Variants in TPST1 observed in about 807,000 individuals in gnomAD.
TPST1 encodes protein-tyrosine sulfotransferase 1.
Under a neutral mutation model 34.8 loss-of-function variants are expected in TPST1, and 20 were observed. The ratio of observed to expected loss-of-function variants is 0.57; its 90% confidence interval spans 0.40 to 0.84. TPST1 has a LOEUF of 0.84. TPST1 is among the 40% of genes least tolerant of loss of function. TPST1 has a pLI of 0.00. For missense variants in TPST1, 353 were observed against 455.5 expected, an observed-to-expected ratio of 0.78 and a Z score of 2.05; for synonymous variants, 152 against 159.4, an observed-to-expected ratio of 0.95 and a Z score of 0.35.
At chr7:66,256,273 C>G (rs1435230769) in intron 2 of TPST1, among the ~76,000 whole-genome samples, 4 of 152,284 alleles carry the variant, frequency 2.6e-5, no homozygotes, top group East Asian at 1.9e-4. Context: ...ATTTCTAGTT[C>G]ACTAAGAGTT....
At chr7:66,320,245 C>CTTTTTTTTTTTTTTTTT (rs569746911) in intron 3 of TPST1, among the ~76,000 whole-genome samples, 9 of 126,384 alleles carry the variant, frequency 7.1e-5, no homozygotes, top group East Asian at 2.3e-4. Context: ...TTTTCTTTTT[C>CTTTTTTTTTTTTTTTTT]TTTTTTTTTT....
intron 3 of TPST1, among the ~76,000 whole-genome samples, chr7:66,309,269 T>C (rs1791483167): frequency 6.6e-6 from 1 of 152,228 alleles, no homozygotes; most frequent in African/African-American, 2.4e-5. Context: ...AAGCCACTGA[T>C]GGATCCAGGT....
chr7:66,200,520 C>A (rs888668850), upstream of TPST1, among the ~76,000 whole-genome samples: 10 of 144,974 alleles, frequency 6.9e-5, no homozygotes, highest in Admixed American at 3.5e-4. Flanking sequence ...CCGGGATTCA[C>A]GCCATTCTCC....
At chr7:66,298,375 A>G (rs1011518849) in intron 3 of TPST1, among the ~76,000 whole-genome samples, 1 of 152,204 alleles carries the variant, frequency 6.6e-6, no homozygotes, top group African/African-American at 2.4e-5. Context: ...ACTCTTTTGT[A>G]ATTATGAAAT....
intron 3 of TPST1, among the ~76,000 whole-genome samples, chr7:66,315,216 T>C (rs1047001039): frequency 1.3e-5 from 2 of 152,188 alleles, no homozygotes; most frequent in African/African-American, 2.4e-5. Flanking sequence ...CAAGGAATGG[T>C]GAAGCACCCA....
intron 3 of TPST1, among the ~76,000 whole-genome samples, chr7:66,296,438 G>C (rs886293271): frequency 6.6e-6 from 1 of 152,004 alleles, no homozygotes; most frequent in Non-Finnish European, 1.5e-5. Flanking sequence ...TATCTTCAAA[G>C]CTTTTTTGCC....
At chr7:66,331,069 T>C (rs1275621808) in intron 3 of TPST1, among the ~76,000 whole-genome samples, 1 of 152,136 alleles carries the variant, frequency 6.6e-6, no homozygotes, top group African/African-American at 2.4e-5. Flanking sequence ...CTTCAAGCTC[T>C]CTCATGTGAC....
rs118171366 is a variant in TPST1, at chr7:66,207,221, C to T, written c.-102+1699C>T. Reference sequence around the variant, plus strand: ...CTTAACCTCTAGATTCCTCTTATGTCCTAAAATCTAAATGGCTGTTTATGG... The same window carrying T: ...CTTAACCTCTAGATTCCTCTTATGTTCTAAAATCTAAATGGCTGTTTATGG... On this transcript the variant is annotated intron_variant, in intron 1 of 5. Transcript: ENST00000304842. Among the ~76,000 whole-genome samples the T allele has an allele frequency of 4.6e-5, 7 of 152,262 alleles. No individual in the cohort carries two copies. The East Asian group carries it at 7.7e-4, about 17-fold the overall frequency.
chr7:66,295,674 A>C (rs1442194641), intron 3 of TPST1, among the ~76,000 whole-genome samples: 1 of 152,066 alleles, frequency 6.6e-6, no homozygotes, highest in African/African-American at 2.4e-5. Flanking sequence ...TACTTTATTT[A>C]TTTGAGACAG....
chr7:66,340,513 G>T (rs573256372), intron 3 of TPST1, among the ~76,000 whole-genome samples: 2 of 152,240 alleles, frequency 1.3e-5, no homozygotes, highest in South Asian at 2.1e-4. Context: ...TCCAAAAACT[G>T]CTAGAACTGA....
intron 2 of TPST1, among the ~76,000 whole-genome samples, chr7:66,268,789 A>G (rs754965141): frequency 4.6e-4 from 70 of 152,156 alleles, no homozygotes; most frequent in African/African-American, 1.1e-3. Flanking sequence ...CTCAGGTTCA[A>G]TTGATTCTCC....
At chr7:66,351,110 C>T (rs1289430131) in intron 3 of TPST1, among the ~76,000 whole-genome samples, 1 of 152,136 alleles carries the variant, frequency 6.6e-6, no homozygotes, top group Non-Finnish European at 1.5e-5. Flanking sequence ...TCCTTCCTAC[C>T]CAGGGCAAAC....
intron 3 of TPST1, among the ~76,000 whole-genome samples, chr7:66,337,151 A>G (rs2116307532): frequency 6.6e-6 from 1 of 152,292 alleles, no homozygotes; most frequent in Middle Eastern, 3.4e-3. Context: ...TAATGGGTAA[A>G]AAGAAAGCAT....
chr7:66,226,647 C>A (rs1430594332), intron 1 of TPST1, among the ~76,000 whole-genome samples: 1 of 152,166 alleles, frequency 6.6e-6, no homozygotes, highest in East Asian at 1.9e-4. Flanking sequence ...ATACTCTCCC[C>A]CTATTAATTA....
intron 1 of TPST1, among the ~76,000 whole-genome samples, chr7:66,215,708 T>A (rs1004798890): frequency 2.7e-5 from 4 of 147,172 alleles, no homozygotes; most frequent in African/African-American, 9.9e-5. Flanking sequence ...TTAGTGTCAA[T>A]TTTTTTTTTT....
At chr7:66,296,898 G>A (rs1791213627) in intron 3 of TPST1, among the ~76,000 whole-genome samples, 1 of 152,078 alleles carries the variant, frequency 6.6e-6, no homozygotes, top group Admixed American at 6.5e-5. Flanking sequence ...AAATGGTGCT[G>A]TCTAGGTTAC....
intron 2 of TPST1, among the ~76,000 whole-genome samples, chr7:66,285,963 G>T (rs535113390): frequency 1.3e-5 from 2 of 152,098 alleles, no homozygotes; most frequent in South Asian, 4.1e-4. Flanking sequence ...AATATTTTAC[G>T]TTCTTAGTGG....
intron 2 of TPST1, among the ~76,000 whole-genome samples, chr7:66,271,140 A>G (rs1240704356): frequency 6.6e-6 from 1 of 152,038 alleles, no homozygotes. Context: ...TGCAATTAGC[A>G]TTTTTATTGA....
chr7:66,208,615 C>A (rs111522924), intron 1 of TPST1, among the ~76,000 whole-genome samples: 1 of 151,728 alleles, frequency 6.6e-6, no homozygotes, highest in East Asian at 1.9e-4. Context: ...ATTACAGGCG[C>A]CTGCCACCAC....
Sources: gnomAD v4.1 joint callset for allele counts (sites outside exome capture counted in the v4.1 genomes callset) on GRCh38, gnomAD v4.1.1 for gene constraint, MANE v1.5 for transcripts, NCBI Gene and HGNC (gene_info 2026-07-23, HGNC 2026-07-21) for gene names.